The following SPAG17 variants were observed in gnomAD, a reference collection of about 807,000 sequenced individuals.
The protein encoded by SPAG17 is sperm associated antigen 17.
SPAG17 carries 169 observed loss-of-function variants against 273.6 expected under a neutral mutation model. That is an observed-to-expected ratio of 0.62 (90% CI 0.55 to 0.70). The LOEUF (loss-of-function observed/expected upper bound fraction) is 0.70. Among genes scored for constraint, SPAG17 ranks in the 30% least tolerant of loss-of-function variants. The pLI is 0.00. For missense variants in SPAG17, 2,557 were observed against 2,627.8 expected (o/e 0.97, Z 0.59); for synonymous variants, 825 against 873.2 (o/e 0.94, Z 0.97).
At chr1:118,179,812 G>A (rs1019636547) in intron 1 of SPAG17, among the ~76,000 whole-genome samples, 5 of 151,872 alleles carry the variant, frequency 3.3e-5, no homozygotes, top group Admixed American at 6.6e-5. Context: ...CAAAAAAGAT[G>A]TACAAATGAC....
chr1:118,094,429 G>A (rs1013134540), intron 7 of SPAG17, among the ~76,000 whole-genome samples: 1 of 152,114 alleles, frequency 6.6e-6, no homozygotes. Context: ...GCATTGAAGG[G>A]CATTTATTTG....
intron 4 of SPAG17, among the ~76,000 whole-genome samples, chr1:118,104,235 G>A (rs1656252867): frequency 6.6e-6 from 1 of 152,168 alleles, no homozygotes; most frequent in Admixed American, 6.5e-5. Context: ...GAAACTTCAT[G>A]GGTTGAAAGA....
chr1:118,004,930 C>T (rs542413819), intron 32 of SPAG17, among the ~76,000 whole-genome samples: 1 of 152,300 alleles, frequency 6.6e-6, no homozygotes, highest in South Asian at 2.1e-4. Context: ...GGAGCTGTTC[C>T]TATTCAGCCA....
chr1:118,166,337 G>T (rs1281688546), intron 1 of SPAG17, among the ~76,000 whole-genome samples: 1 of 152,166 alleles, frequency 6.6e-6, no homozygotes, highest in Non-Finnish European at 1.5e-5. Context: ...GAAAAATATT[G>T]AGTTACCATG....
rs865890155 is a variant in SPAG17, at chr1:118,111,745, T to C, written c.447+3565A>G. The stretch of plus-strand genomic sequence containing the variant: ...CTTCATCATGATGTATTATCAAACG[T>C]AGGCACTTTTAATTTTGAATTGTTT... On this transcript the variant is annotated intron_variant, in intron 4 of 48. Coordinates refer to ENST00000336338, the MANE Select transcript of SPAG17 (RefSeq NM_206996.4). Among the ~76,000 whole-genome samples, 6 of 152,152 alleles carry C rather than the reference T, an allele frequency of 3.9e-5. No homozygotes were observed. In the East Asian group the frequency reaches 7.7e-4, roughly 20 times the overall value.
chr1:118,004,551 C>T (rs753390765), intron 32 of SPAG17, among the ~76,000 whole-genome samples: 4 of 152,246 alleles, frequency 2.6e-5, no homozygotes, highest in Non-Finnish European at 5.9e-5. Context: ...AGGCTGCTGC[C>T]TCACAGTTTG....
intron 3 of SPAG17, among the ~76,000 whole-genome samples, chr1:118,147,794 CCAGA>C (rs1360095545): frequency 6.6e-6 from 1 of 152,100 alleles, no homozygotes; most frequent in Non-Finnish European, 1.5e-5. Flanking sequence ...CTTTGCTAGC[CCAGA>C]CATTTGGAGT....
At chr1:118,093,076 C>T in intron 8 of SPAG17, 80 bp downstream of exon 8, 2 of 1,421,248 alleles carry the variant, frequency 1.4e-6, no homozygotes, top group Non-Finnish European at 1.9e-6. Flanking sequence ...GTAACTTTTT[C>T]TTCATATGCC....
chr1:118,031,608 C>T (rs1208095282), intron 25 of SPAG17, 84 bp downstream of exon 25: 7 of 1,359,780 alleles, frequency 5.1e-6, no homozygotes, highest in Admixed American at 1.9e-5. Context: ...ACTATAATAA[C>T]ACTATTGACA....
In SPAG17 at chr1:118,008,144, G is replaced by A. The variant is rs868182570; in HGVS notation, c.4487C>T (p.Ser1496Leu). 2 of 1,613,922 alleles carry A rather than the reference G, an allele frequency of 1.2e-6. No individual in the cohort carries two copies. Among genetic ancestry groups the A allele is most frequent in the Non-Finnish European group, 1.7e-6 (2 of 1,179,992 alleles). ...RQVKCMRVESSRYATVIANCE... is the reference protein window; with the variant it reads ...RQVKCMRVESLRYATVIANCE... ...GTTGGCGATAACAGTGGCATAGCGT[G>A]AGCTTTCTACCCGCATACACTTCAC... Residue 1496 changes from serine to leucine, a missense_variant, in exon 31 of 49, where the codon TCA (serine) becomes TTA (leucine). Ser to Leu is a moderately radical substitution (Grantham distance 145, BLOSUM62 -2). Transcript: ENST00000336338.
intron 47 of SPAG17, 22 bp downstream of exon 47, chr1:117,966,587 C>G (rs776400163): frequency 6.3e-7 from 1 of 1,588,252 alleles, no homozygotes; most frequent in Non-Finnish European, 8.6e-7. Context: ...TATGATTACT[C>G]AAGTTGAACT....
intron 21 of SPAG17, 52 bp downstream of exon 21, chr1:118,041,751 A>G (rs769822622): frequency 6.4e-7 from 1 of 1,566,466 alleles, no homozygotes; most frequent in Non-Finnish European, 8.6e-7. Flanking sequence ...TATTTTCCCA[A>G]AACAATTAGG....
rs371694375 is a variant in SPAG17 at position 118,016,015 on chromosome 1, C to T, written c.4237G>A (p.Asp1413Asn). 1.9e-6 allele frequency: 3 copies of T among 1,614,044 alleles called. No homozygotes were observed. The South Asian group carries it at 3.3e-5, about 18-fold the overall frequency. The change falls in exon 29 of 49, where the codon GAC (aspartate) becomes AAC (asparagine). Residue 1413 changes from aspartate to asparagine, a missense_variant. Physicochemically the swap from Asp to Asn is conservative, Grantham distance 23 (BLOSUM62 1). Transcript: ENST00000336338. Reference sequence around the variant, plus strand: ...TGAAAGGATAACAATGGGGTCAAGTCTGCTATTCTTTCTAATCCTTTGGTG... The same window carrying T: ...TGAAAGGATAACAATGGGGTCAAGTTTGCTATTCTTTCTAATCCTTTGGTG... ...IGTKGLERIA[D>N]LTPLLSFQAT...
At chr1:117,981,122 C>A (rs899536456) in intron 43 of SPAG17, 148 bp downstream of exon 43, 8 of 721,150 alleles carry the variant, frequency 1.1e-5, no homozygotes, top group Non-Finnish European at 1.7e-5. Flanking sequence ...GCTAAGAAGC[C>A]TTTGCAAAGC....
intron 20 of SPAG17, among the ~76,000 whole-genome samples, chr1:118,043,256 C>T (rs551297108): frequency 1.2e-4 from 19 of 152,174 alleles, no homozygotes; most frequent in African/African-American, 1.2e-4. Flanking sequence ...TGAGACATTT[C>T]GAGAGTTGAA....
chr1:118,167,719 G>T (rs1282869550), intron 1 of SPAG17, among the ~76,000 whole-genome samples: 1 of 152,138 alleles, frequency 6.6e-6, no homozygotes, highest in Non-Finnish European at 1.5e-5. Context: ...GAGTCAACAG[G>T]ATTTACTGAT....
At chr1:118,008,788 C>T (rs549063008) in intron 30 of SPAG17, among the ~76,000 whole-genome samples, 1 of 152,264 alleles carries the variant, frequency 6.6e-6, no homozygotes, top group South Asian at 2.1e-4. Context: ...CTCGAACCAT[C>T]TTGATCTATA....
At chr1:118,085,361 T>G (rs1296777635) in intron 13 of SPAG17, among the ~76,000 whole-genome samples, 1 of 152,202 alleles carries the variant, frequency 6.6e-6, no homozygotes, top group Non-Finnish European at 1.5e-5. Context: ...TGGAGCAAAG[T>G]TGCATGGTCC....
chr1:118,047,153 AT>A (rs1251334439), intron 20 of SPAG17, among the ~76,000 whole-genome samples: 1 of 152,128 alleles, frequency 6.6e-6, no homozygotes, highest in Non-Finnish European at 1.5e-5. Flanking sequence ...AATGCCAGTG[AT>A]TTTTTTCAAT....
Sources: allele counts gnomAD v4.1 joint callset (sites outside exome capture counted in the v4.1 genomes callset), GRCh38; gene constraint gnomAD v4.1.1; transcripts MANE v1.5; gene names NCBI Gene and HGNC (gene_info 2026-07-23, HGNC 2026-07-21).